AKAP12: variants seen among roughly 807,000 people sequenced by gnomAD.
AKAP12 encodes the protein A-kinase anchor protein 12.
AKAP12 carries 32 observed loss-of-function variants against 79.9 expected under a neutral mutation model. That is an observed-to-expected ratio of 0.40 (90% confidence interval 0.30 to 0.54). AKAP12 has a LOEUF of 0.54. AKAP12 is among the 20% of genes least tolerant of loss of function. The pLI, the probability that AKAP12 is intolerant of heterozygous loss-of-function variation, is 0.48. For synonymous variants in AKAP12, 808 were observed against 857.0 expected, an observed-to-expected ratio of 0.94 and a Z score of 1.00; for missense variants, 2,074 against 2,177.0, an observed-to-expected ratio of 0.95 and a Z score of 0.94.
rs59211098 is a variant in AKAP12 at position 151,261,733 on chromosome 6, TTTTATTTATTTATTTATTTA to T, written c.162+21031_162+21050del. Among the ~76,000 whole-genome samples the T allele has an allele frequency of 8.6e-4, 124 of 144,028 alleles. No homozygotes were observed. In the South Asian group the frequency reaches 0.02, roughly 23 times the overall value. 94.5% of individuals were successfully genotyped at this position (144,028 alleles called of 152,430 possible). ...ACAAGAACAACAGTGGTTTTTATTATTTTATTTATTTATTTATTTATTTATTTATTTATTTATTTATGAGA... is the reference window on the plus strand; with the variant it reads ...ACAAGAACAACAGTGGTTTTTATTATTTTATTTATTTATTTATTTATGAGA... On this transcript the variant is annotated intron_variant, in intron 2 of 4. Transcript: ENST00000402676.
intron 3 of AKAP12, chr6:151,341,655 G>T: frequency 8.9e-6 from 10 of 1,118,402 alleles, no homozygotes; most frequent in Non-Finnish European, 1.1e-5. Context: ...GGCGGGCTGC[G>T]CGCGCCATGC....
intron 2 of AKAP12, among the ~76,000 whole-genome samples, chr6:151,288,215 A>G (rs1776545135): frequency 6.6e-6 from 1 of 151,720 alleles, no homozygotes; most frequent in South Asian, 2.1e-4. Flanking sequence ...AAGTATTTAA[A>G]AAAAAAAAAA....
chr6:151,305,140 C>T (rs1776950688), intron 2 of AKAP12, among the ~76,000 whole-genome samples: 1 of 151,482 alleles, frequency 6.6e-6, no homozygotes, highest in Non-Finnish European at 1.5e-5. Context: ...TCAGAGAAGT[C>T]CTGGACACCC....
intron 3 of AKAP12, among the ~76,000 whole-genome samples, chr6:151,331,742 G>T (rs1467385540): frequency 6.6e-6 from 1 of 151,862 alleles, no homozygotes; most frequent in Non-Finnish European, 1.5e-5. Flanking sequence ...AAAATTAGCC[G>T]GGCGTGGTGG....
chr6:151,294,204 C>T (rs1249003641), intron 2 of AKAP12, among the ~76,000 whole-genome samples: 1 of 152,098 alleles, frequency 6.6e-6, no homozygotes, highest in African/African-American at 2.4e-5. Flanking sequence ...GAGCTCTTGA[C>T]CTCATGATCC....
At position 151,324,357 on chromosome 6, in the gene AKAP12, A is replaced by G. The variant is rs1038716689; in HGVS notation, c.319+18454A>G. ...CTGATTTTTGTAACAAGGTCTGGTT[A>G]CCAGCAAGGAAGCGGTTTTCACGTT... On this transcript the variant is annotated intron_variant, in intron 3 of 4. Transcript: ENST00000402676. 4 of 985,284 alleles carry G rather than the reference A, an allele frequency of 4.1e-6. No homozygotes were observed. The African/African-American group carries it at 5.2e-5, about 13-fold the overall frequency. The allele number at this position is 985,284 out of a possible 1,614,324, so 61.0% of individuals were successfully genotyped here. A position where few individuals can be genotyped will look rare whatever the true frequency, so the allele number is the denominator to read the frequency against.
At chr6:151,263,582 CTTTTT>C (rs1192518933) in intron 2 of AKAP12, among the ~76,000 whole-genome samples, 1 of 151,430 alleles carries the variant, frequency 6.6e-6, no homozygotes, top group Non-Finnish European at 1.5e-5. Flanking sequence ...CTTTTCTTTT[CTTTTT>C]TATTTTTATT....
At position 151,305,898 on chromosome 6, in the gene AKAP12, C is replaced by T. The variant is rs61755980; in HGVS notation, c.314C>T (p.Thr105Ile). 1.4e-4 allele frequency: 232 copies of T among 1,608,288 alleles called. No individual in the cohort carries two copies. Among genetic ancestry groups the T allele is most frequent in the Admixed American group, 3.1e-4 (18 of 58,906 alleles). Residue 105 changes from threonine to isoleucine, a missense_variant, in exon 3 of 5, where the codon ACA becomes ATA. Thr to Ile is a moderately conservative substitution (Grantham distance 89). Transcript: ENST00000402676. ...CAGGAGGAAGAAGAAGTCATTGTCA[C>T]AGAGGGTAAGCCGCCCCTCCAGGAA... The part of the protein sequence containing the change: ...NSQEEEEVIV[T>I]EVGQRDSEDV...
At position 151,297,572 on chromosome 6, in the gene AKAP12, C is replaced by CA. The variant is rs3029353; in HGVS notation, c.163-8157dup. ...TGGAGGACAGAGCATGAGTTCGTCT[C>CA]AAAAAAAAAAAAAAAAAAGGCTACT... On this transcript the variant is annotated intron_variant, in intron 2 of 4. Coordinates refer to ENST00000402676, the MANE Select transcript of AKAP12 (RefSeq NM_005100.4). 4.6e-3 allele frequency among the ~76,000 whole-genome samples: 565 copies of CA among 122,344 alleles called. 4 individuals are homozygous for CA. Among genetic ancestry groups the CA allele is most frequent in the African/African-American group, 0.011 (379 of 33,360 alleles). 80.3% of individuals were successfully genotyped at this position (122,344 alleles called of 152,430 possible). A position where few individuals can be genotyped will look rare whatever the true frequency, so the allele number is the denominator to read the frequency against.
chr6:151,326,499 AAAAAAAAG>A (rs1208809599), intron 3 of AKAP12, among the ~76,000 whole-genome samples: 1 of 144,860 alleles, frequency 6.9e-6, no homozygotes, highest in African/African-American at 2.6e-5. Context: ...TAAAAAAAAA[AAAAAAAAG>A]AAAAAAAGAA....
intron 2 of AKAP12, among the ~76,000 whole-genome samples, chr6:151,285,037 A>G (rs1025801066): frequency 3.3e-5 from 5 of 152,228 alleles, no homozygotes; most frequent in African/African-American, 1.2e-4. Flanking sequence ...GGACTGCAAG[A>G]TTCAGGCACT....
intron 2 of AKAP12, among the ~76,000 whole-genome samples, chr6:151,305,282 T>A (rs546893805): frequency 1.3e-5 from 2 of 152,258 alleles, no homozygotes; most frequent in South Asian, 4.1e-4. Context: ...AGTTTAGTAA[T>A]TATTTGTTTA....
chr6:151,299,618 A>G (rs1776810691), intron 2 of AKAP12, among the ~76,000 whole-genome samples: 1 of 152,094 alleles, frequency 6.6e-6, no homozygotes, highest in African/African-American at 2.4e-5. Context: ...ATTCTCAGCA[A>G]CTTGCTTCTT....
chr6:151,323,957 G>T, intron 3 of AKAP12: 1 of 985,322 alleles, frequency 1.0e-6, no homozygotes, highest in Non-Finnish European at 1.2e-6. Context: ...ACTTATTAAT[G>T]TAGACCCTGA....
rs9478198 is a variant in AKAP12, at chr6:151,352,278, G to A, written c.3887G>A (p.Arg1296Gln). 8.1e-6 allele frequency: 13 copies of A among 1,614,050 alleles called. No homozygotes were observed. Among genetic ancestry groups the A allele is most frequent in the Non-Finnish European group, 1.1e-5 (13 of 1,180,048 alleles). Residue 1296 changes from arginine to glutamine, a missense_variant, in exon 4 of 5, where the codon CGG becomes CAG. By Grantham distance (43) the Arg-to-Gln change is conservative. This residue lies in a region of AKAP12 where 614 missense variants were observed against 665.6 expected (regional missense o/e 0.92). Transcript: ENST00000402676. Reference sequence around the variant, plus strand: ...ATAGACACAGGCATAACAGTCAGTCGGGAAAAGGTCACTGAAGTTGCCCTT... The same window carrying A: ...ATAGACACAGGCATAACAGTCAGTCAGGAAAAGGTCACTGAAGTTGCCCTT... ...GSIDTGITVSREKVTEVALKG... is the reference protein window; with the variant it reads ...GSIDTGITVSQEKVTEVALKG...
At chr6:151,298,400 A>C (rs1281059394) in intron 2 of AKAP12, among the ~76,000 whole-genome samples, 1 of 152,192 alleles carries the variant, frequency 6.6e-6, no homozygotes, top group African/African-American at 2.4e-5. Context: ...ATTGAGAACA[A>C]ATAGTATAAC....
chr6:151,295,331 C>T (rs1002603746), intron 2 of AKAP12, among the ~76,000 whole-genome samples: 2 of 152,190 alleles, frequency 1.3e-5, no homozygotes, highest in African/African-American at 4.8e-5. Flanking sequence ...TCTCTCTTAA[C>T]AATCATTCTT....
chr6:151,308,013 A>G (rs1270066313), intron 3 of AKAP12, among the ~76,000 whole-genome samples: 1 of 151,702 alleles, frequency 6.6e-6, no homozygotes, highest in Non-Finnish European at 1.5e-5. Flanking sequence ...CCTCCTGAGT[A>G]GCTGGGACGT....
At position 151,324,821 on chromosome 6, in the gene AKAP12, AAAG is replaced by A. The variant is rs1236450958; in HGVS notation, c.319+18921_319+18923del. On this transcript the variant is annotated intron_variant, in intron 3 of 4. Transcript: ENST00000402676. Reference sequence around the variant, plus strand: ...ACTCATTCGTCACTCGTGTCTTTACAAAGAACAAACCTGAAGCTTCAATGAGAA... The same window carrying A: ...ACTCATTCGTCACTCGTGTCTTTACAAACAAACCTGAAGCTTCAATGAGAA... 3 of 985,336 alleles carry A rather than the reference AAAG, an allele frequency of 3.0e-6. No individual in the cohort carries two copies. The African/African-American group carries it at 5.2e-5, about 17-fold the overall frequency. 61.0% of individuals were successfully genotyped at this position (985,336 alleles called of 1,614,324 possible). A position where few individuals can be genotyped will look rare whatever the true frequency, so the allele number is the denominator to read the frequency against.
Sources: gnomAD v4.1 joint callset for allele counts (sites outside exome capture counted in the v4.1 genomes callset) on GRCh38, gnomAD v4.1.1 for gene constraint, gnomAD v4.1.1 regional missense constraint, MANE v1.5 for transcripts, NCBI Gene and HGNC (gene_info 2026-07-23, HGNC 2026-07-21) for gene names.